The following GRIK2 variants were observed in gnomAD, a reference collection of about 807,000 sequenced individuals.
The protein encoded by GRIK2 is glutamate receptor ionotropic, kainate 2.
A neutral mutation model predicts 100.3 loss-of-function variants in GRIK2; 32 were observed. That is an observed-to-expected ratio of 0.32 (90% CI 0.24 to 0.43). The LOEUF (loss-of-function observed/expected upper bound fraction) is 0.43, where lower values mean the gene tolerates loss of function less well. Ranked by LOEUF, GRIK2 falls within the 20% of genes least tolerant of loss-of-function variation. The pLI is 1.00. For missense variants in GRIK2, 843 were observed against 1,114.9 expected (o/e 0.76, Z 3.47); for synonymous variants, 417 against 389.4 (o/e 1.07, Z -0.83).
At chr6:101,879,151 A>C (rs973070682) in intron 11 of GRIK2, among the ~76,000 whole-genome samples, 1 of 152,062 alleles carries the variant, frequency 6.6e-6, no homozygotes, top group Admixed American at 6.6e-5. Context: ...TTCTGCTTAC[A>C]TTCCTTGATC....
At chr6:101,587,705 A>C (rs2749068) in intron 2 of GRIK2, among the ~76,000 whole-genome samples, 1 of 152,156 alleles carries the variant, frequency 6.6e-6, no homozygotes, top group South Asian at 2.1e-4. Flanking sequence ...GCTAGAAAAC[A>C]ATAGAATGGT....
intron 4 of GRIK2, among the ~76,000 whole-genome samples, chr6:101,661,551 G>C (rs1184531227): frequency 1.3e-5 from 2 of 152,250 alleles, no homozygotes; most frequent in East Asian, 3.9e-4. Flanking sequence ...CTAGCTCAGT[G>C]TCTGCTCAAA....
At chr6:101,646,039 A>C (rs1373291596) in intron 4 of GRIK2, among the ~76,000 whole-genome samples, 1 of 151,836 alleles carries the variant, frequency 6.6e-6, no homozygotes, top group Non-Finnish European at 1.5e-5. Flanking sequence ...AAGATGTGTA[A>C]ACTGTGACTG....
intron 2 of GRIK2, among the ~76,000 whole-genome samples, chr6:101,468,846 A>G (rs1020562151): frequency 6.6e-6 from 1 of 152,136 alleles, no homozygotes; most frequent in African/African-American, 2.4e-5. Context: ...TAATAACACC[A>G]TGTCTTCCTA....
At chr6:101,864,929 A>G (rs1784957800) in intron 11 of GRIK2, among the ~76,000 whole-genome samples, 1 of 152,228 alleles carries the variant, frequency 6.6e-6, no homozygotes, top group African/African-American at 2.4e-5. Context: ...TTTAAAGTTT[A>G]GCTCTTTTAT....
At chr6:102,006,390 A>ATATATATATTTTTTTTT (rs1315524835) in intron 14 of GRIK2, among the ~76,000 whole-genome samples, 2 of 114,104 alleles carry the variant, frequency 1.8e-5, no homozygotes, top group African/African-American at 4.6e-5. Context: ...ATATATATAT[A>ATATATATATTTTTTTTT]TTTTTTTTTT....
intron 2 of GRIK2, among the ~76,000 whole-genome samples, chr6:101,510,683 C>T (rs901949240): frequency 1.3e-5 from 2 of 151,342 alleles, no homozygotes; most frequent in Non-Finnish European, 2.9e-5. Flanking sequence ...CCACCATGCC[C>T]AGCTAATTTT....
intron 7 of GRIK2, among the ~76,000 whole-genome samples, chr6:101,798,608 A>G (rs1169123073): frequency 5.9e-5 from 9 of 151,966 alleles, no homozygotes; most frequent in Admixed American, 4.6e-4. Flanking sequence ...GTATTGTGGC[A>G]AATGCTGTAA....
intron 14 of GRIK2, among the ~76,000 whole-genome samples, chr6:102,001,189 T>A (rs115427055): frequency 0.08 from 12,066 of 151,722 alleles, 1,016 homozygotes; most frequent in African/African-American, 0.21. Context: ...TTCTTTATTT[T>A]TTTTTTTTTT....
At chr6:101,876,003 A>C (rs528062820) in intron 11 of GRIK2, among the ~76,000 whole-genome samples, 3 of 139,968 alleles carry the variant, frequency 2.1e-5, no homozygotes, top group Non-Finnish European at 4.5e-5. Flanking sequence ...TTGTGTGTTT[A>C]TGTGTTTGTG....
chr6:101,742,298 G>C (rs1335555338), intron 7 of GRIK2, among the ~76,000 whole-genome samples: 2 of 152,152 alleles, frequency 1.3e-5, no homozygotes, highest in Admixed American at 1.3e-4. Context: ...TGAGAGGACA[G>C]GTCTCAAATC....
chr6:101,470,343 T>C (rs2128255700), intron 2 of GRIK2, among the ~76,000 whole-genome samples: 1 of 152,282 alleles, frequency 6.6e-6, no homozygotes, highest in Admixed American at 6.5e-5. Flanking sequence ...TCTTATATTC[T>C]TGCCATGGCA....
chr6:101,779,929 T>G (rs1275667125), intron 7 of GRIK2, among the ~76,000 whole-genome samples: 1 of 152,190 alleles, frequency 6.6e-6, no homozygotes, highest in Non-Finnish European at 1.5e-5. Flanking sequence ...CAGATTATCT[T>G]ATCTTCATTA....
chr6:101,481,637 T>C (rs776991177), intron 2 of GRIK2, among the ~76,000 whole-genome samples: 3 of 152,210 alleles, frequency 2.0e-5, no homozygotes, highest in Non-Finnish European at 4.4e-5. Context: ...TAATACTTTC[T>C]GATAAATACA....
intron 12 of GRIK2, among the ~76,000 whole-genome samples, chr6:101,902,507 G>A (rs530650344): frequency 7.2e-5 from 11 of 151,906 alleles, no homozygotes; most frequent in African/African-American, 2.7e-4. Flanking sequence ...ATTTAAATAA[G>A]TTTATACCTA....
At chr6:101,660,120 AGTTTG>A (rs1769504094) in intron 4 of GRIK2, among the ~76,000 whole-genome samples, 2 of 152,024 alleles carry the variant, frequency 1.3e-5, no homozygotes, top group Non-Finnish European at 2.9e-5. Context: ...ATCAAACATA[AGTTTG>A]GTTTTCTCAC....
At chr6:101,752,053 A>G (rs968881207) in intron 7 of GRIK2, among the ~76,000 whole-genome samples, 1 of 152,204 alleles carries the variant, frequency 6.6e-6, no homozygotes, top group African/African-American at 2.4e-5. Context: ...TCATGTAGAA[A>G]AGAAAAAAAT....
chr6:102,009,706 T>G (rs1363407333), intron 14 of GRIK2, among the ~76,000 whole-genome samples: 1 of 152,120 alleles, frequency 6.6e-6, no homozygotes, highest in Non-Finnish European at 1.5e-5. Context: ...TCCCCATCCT[T>G]GATTTTACTT....
chr6:102,055,403 G>A lies in GRIK2; in HGVS notation c.2385G>A (p.Lys795=). 6.2e-7 allele frequency: 1 copy of A among 1,613,222 alleles called. No individual in the cohort carries two copies. Among genetic ancestry groups the A allele is most frequent in the East Asian group, 2.2e-5 (1 of 44,818 alleles). The part of the protein sequence containing the change: ...LQEEGKLHMM[K]EKWWRGNGCP... ...AGGAAGGCAAACTGCATATGATGAA[G>A]GAGAAATGGTGGAGGGGCAATGGTT... The change falls in exon 16 of 17, where the codon AAG becomes AAA. Residue 795 remains lysine (K), a synonymous_variant. Transcript: ENST00000369134.
Sources: gnomAD v4.1 joint callset for allele counts (sites outside exome capture counted in the v4.1 genomes callset) on GRCh38, gnomAD v4.1.1 for gene constraint, MANE v1.5 for transcripts, NCBI Gene and HGNC (gene_info 2026-07-23, HGNC 2026-07-21) for gene names.